The following SULF1 variants were observed in gnomAD, a reference collection of about 807,000 sequenced individuals.
The protein encoded by SULF1 is extracellular sulfatase Sulf-1.
In SULF1, 46 loss-of-function variants were observed where a neutral mutation model predicts 110.5. That is an observed-to-expected ratio of 0.42 (90% CI 0.33 to 0.53). The LOEUF is 0.53. SULF1 is among the 20% of genes least tolerant of loss of function. The pLI is 0.12. For missense variants in SULF1, 941 were observed against 1,094.2 expected (o/e 0.86, Z 1.98); for synonymous variants, 371 against 387.1 (o/e 0.96, Z 0.49).
At chr8:69,562,967 T>G (rs776686241) in intron 3 of SULF1, 13 of 152,348 alleles carry the variant, frequency 8.5e-5, no homozygotes, top group Admixed American at 1.3e-4. Context: ...TTCTGGTGAT[T>G]GATTGATGGG....
chr8:69,515,712 C>T (rs1320503918), intron 3 of SULF1, among the ~76,000 whole-genome samples: 4 of 152,216 alleles, frequency 2.6e-5, no homozygotes, highest in East Asian at 1.9e-4. Context: ...GTTATTTCTT[C>T]GTTTATGCAA....
intron 13 of SULF1, among the ~76,000 whole-genome samples, chr8:69,610,258 A>G (rs1401061353): frequency 6.6e-6 from 1 of 152,224 alleles, no homozygotes. Flanking sequence ...TGTTGAGTGG[A>G]AACTGGTTTA....
chr8:69,600,668 T>A lies in SULF1; in HGVS notation c.800T>A (p.Met267Lys). The change falls in exon 9 of 23, where the codon ATG becomes AAG. Residue 267 changes from methionine to lysine, a missense_variant. Around this residue, in one of 3 missense-constraint regions of SULF1, gnomAD observed 822 missense variants for 934.3 expected, o/e 0.88. Coordinates refer to ENST00000402687, the MANE Select transcript of SULF1 (RefSeq NM_001128205.2). ...KHWIMQYTGP[M>K]LPIHMEFTNI... Reference sequence around the variant, plus strand: ...TGGATTATGCAGTACACAGGACCAATGCTGCCCATCCACATGGAATTTACA... The same window carrying A: ...TGGATTATGCAGTACACAGGACCAAAGCTGCCCATCCACATGGAATTTACA... The A allele has an allele frequency of 6.2e-7, 1 of 1,614,112 alleles. No individual in the cohort carries two copies. Among genetic ancestry groups the A allele is most frequent in the Non-Finnish European group, 8.5e-7 (1 of 1,179,962 alleles).
intron 2 of SULF1, among the ~76,000 whole-genome samples, chr8:69,499,271 T>C (rs1810620943): frequency 6.6e-6 from 1 of 152,208 alleles, no homozygotes; most frequent in Non-Finnish European, 1.5e-5. Context: ...TAATTCTATT[T>C]ATACTATTAA....
At chr8:69,529,308 G>T (rs1165379956) in intron 3 of SULF1, among the ~76,000 whole-genome samples, 1 of 152,276 alleles carries the variant, frequency 6.6e-6, no homozygotes, top group Non-Finnish European at 1.5e-5. Flanking sequence ...CACTGATGTA[G>T]CTCCTAAATT....
At chr8:69,530,572 C>T (rs1487119173) in intron 3 of SULF1, among the ~76,000 whole-genome samples, 3 of 152,140 alleles carry the variant, frequency 2.0e-5, no homozygotes, top group African/African-American at 7.2e-5. Flanking sequence ...ATAAAATCAC[C>T]ATCAAAACCA....
chr8:69,645,779 A>G (rs1395277994), intron 22 of SULF1, among the ~76,000 whole-genome samples: 3 of 152,218 alleles, frequency 2.0e-5, no homozygotes, highest in Non-Finnish European at 4.4e-5. Context: ...GGATGAGCTG[A>G]AAAGGCAACC....
chr8:69,632,995 G>T (rs1265138609), intron 19 of SULF1, among the ~76,000 whole-genome samples: 2 of 151,216 alleles, frequency 1.3e-5, no homozygotes, highest in Non-Finnish European at 2.9e-5. Flanking sequence ...TCCAGCCTGG[G>T]TGACAGAGTG....
At chr8:69,598,428 G>T (rs1179083239) in intron 8 of SULF1, among the ~76,000 whole-genome samples, 2 of 152,164 alleles carry the variant, frequency 1.3e-5, no homozygotes, top group Non-Finnish European at 2.9e-5. Flanking sequence ...GTCTCGCTCT[G>T]TTACCCAGGC....
intron 3 of SULF1, among the ~76,000 whole-genome samples, chr8:69,539,678 C>G (rs977492172): frequency 2.6e-5 from 4 of 152,058 alleles, no homozygotes; most frequent in African/African-American, 9.7e-5. Flanking sequence ...GGGCATTCCT[C>G]GAGTCTCGGG....
intron 1 of SULF1, chr8:69,466,998 A>C (rs1345312716): frequency 6.6e-6 from 1 of 152,098 alleles, no homozygotes; most frequent in Non-Finnish European, 1.5e-5. Context: ...CTCTTTTAGC[A>C]TAGTTTTGAA....
intron 1 of SULF1, among the ~76,000 whole-genome samples, chr8:69,480,471 A>G (rs147211368): frequency 0.011 from 1,609 of 152,352 alleles, 12 homozygotes; most frequent in Middle Eastern, 0.027. Context: ...CTGTCCCCTT[A>G]GTAATGTCAC....
intron 3 of SULF1, among the ~76,000 whole-genome samples, chr8:69,558,582 A>C (rs1014038872): frequency 6.6e-6 from 1 of 152,196 alleles, no homozygotes; most frequent in Non-Finnish European, 1.5e-5. Flanking sequence ...ACTCATCAAC[A>C]ACTTTTATCT....
At chr8:69,641,771 A>G (rs966089768) in intron 22 of SULF1, among the ~76,000 whole-genome samples, 11 of 152,106 alleles carry the variant, frequency 7.2e-5, no homozygotes, top group African/African-American at 2.7e-4. Context: ...ATAAAAAAAT[A>G]AAGACACTCA....
intron 2 of SULF1, among the ~76,000 whole-genome samples, 181 bp downstream of exon 2, chr8:69,496,107 C>T (rs1810334801): frequency 6.6e-6 from 1 of 152,254 alleles, no homozygotes; most frequent in Non-Finnish European, 1.5e-5. Flanking sequence ...AGCACTTAAT[C>T]TTCTAGGCAA....
At chr8:69,523,706 G>A (rs1812475982) in intron 3 of SULF1, among the ~76,000 whole-genome samples, 1 of 152,076 alleles carries the variant, frequency 6.6e-6, no homozygotes, top group Admixed American at 6.5e-5. Flanking sequence ...TGATAAGGAG[G>A]GGAATTAAGA....
chr8:69,583,792 T>C (rs1252500672), intron 6 of SULF1, among the ~76,000 whole-genome samples: 1 of 152,088 alleles, frequency 6.6e-6, no homozygotes, highest in East Asian at 1.9e-4. Context: ...AGCTTCTATA[T>C]GAACATGACT....
chr8:69,514,840 C>A (rs1424907783), intron 3 of SULF1, among the ~76,000 whole-genome samples: 7 of 152,214 alleles, frequency 4.6e-5, no homozygotes, highest in African/African-American at 1.7e-4. Context: ...GGAGTGCAGT[C>A]ATTAAATCTC....
At chr8:69,477,190 G>T (rs983009271) in intron 1 of SULF1, among the ~76,000 whole-genome samples, 25 of 152,084 alleles carry the variant, frequency 1.6e-4, no homozygotes, top group African/African-American at 5.6e-4. Flanking sequence ...TCAGAAAAAA[G>T]AATACAATGC....
Sources: gnomAD v4.1 joint callset for allele counts (sites outside exome capture counted in the v4.1 genomes callset) on GRCh38, gnomAD v4.1.1 for gene constraint, gnomAD v4.1.1 regional missense constraint, MANE v1.5 for transcripts, NCBI Gene and HGNC (gene_info 2026-07-23, HGNC 2026-07-21) for gene names.